The following CNTNAP4 variants were observed in gnomAD, a reference collection of about 807,000 sequenced individuals.
CNTNAP4 encodes contactin associated protein family member 4.
A neutral mutation model predicts 148.4 loss-of-function variants in CNTNAP4; 98 were observed. The ratio of observed to expected loss-of-function variants is 0.66; its 90% confidence interval spans 0.56 to 0.78. The LOEUF is 0.78. Ranked by LOEUF, CNTNAP4 falls within the 30% of genes least tolerant of loss-of-function variation. The pLI, the probability that CNTNAP4 is intolerant of heterozygous loss-of-function variation, is 0.00. For synonymous variants in CNTNAP4, 730 were observed against 565.1 expected, an observed-to-expected ratio of 1.29 and a Z score of -4.14; for missense variants, 1,935 against 1,565.6, an observed-to-expected ratio of 1.24 and a Z score of -3.98.
chr16:76,322,354 A>G (rs1962512861), intron 2 of CNTNAP4, among the ~76,000 whole-genome samples: 1 of 152,136 alleles, frequency 6.6e-6, no homozygotes, highest in African/African-American at 2.4e-5. Context: ...CTCATCCCTA[A>G]CAGTCACAGA....
intron 17 of CNTNAP4, among the ~76,000 whole-genome samples, chr16:76,527,156 C>T (rs1274363898): frequency 2.0e-5 from 3 of 152,144 alleles, no homozygotes; most frequent in African/African-American, 7.2e-5. Flanking sequence ...TAATCTTCTT[C>T]CTCTCCTTTA....
At chr16:76,352,362 C>T (rs1359876666) in intron 2 of CNTNAP4, among the ~76,000 whole-genome samples, 1 of 152,160 alleles carries the variant, frequency 6.6e-6, no homozygotes, top group Non-Finnish European at 1.5e-5. Flanking sequence ...CCATTGTAAA[C>T]TACAGGGAGG....
intron 17 of CNTNAP4, among the ~76,000 whole-genome samples, chr16:76,522,584 TTCTC>T (rs140375003): frequency 0.039 from 5,715 of 145,124 alleles, 370 homozygotes; most frequent in East Asian, 0.21. Flanking sequence ...CCTCCTTTCT[TTCTC>T]TCTCTCTCTT....
chr16:76,456,019 A>G (rs2080717318), intron 8 of CNTNAP4, among the ~76,000 whole-genome samples: 1 of 152,162 alleles, frequency 6.6e-6, no homozygotes, highest in Non-Finnish European at 1.5e-5. Flanking sequence ...CAGAAAGGGA[A>G]AGAGAGAGAG....
intron 17 of CNTNAP4, among the ~76,000 whole-genome samples, chr16:76,529,155 C>T (rs1286594405): frequency 6.6e-6 from 1 of 152,114 alleles, no homozygotes; most frequent in Non-Finnish European, 1.5e-5. Flanking sequence ...AATGGATTCG[C>T]CTTCTCTTTG....
chr16:76,431,363 G>A (rs2079597949), intron 4 of CNTNAP4, among the ~76,000 whole-genome samples: 1 of 152,082 alleles, frequency 6.6e-6, no homozygotes, highest in African/African-American at 2.4e-5. Context: ...AGAACCCCAA[G>A]CTAGAGGAAC....
intron 1 of CNTNAP4, among the ~76,000 whole-genome samples, chr16:76,285,114 C>T (rs1200311446): frequency 1.3e-5 from 2 of 151,800 alleles, no homozygotes; most frequent in Non-Finnish European, 2.9e-5. Flanking sequence ...TTCAGTTTGC[C>T]CATGGAACAT....
chr16:76,552,324 C>G (rs1255019735), intron 21 of CNTNAP4, among the ~76,000 whole-genome samples: 1 of 152,202 alleles, frequency 6.6e-6, no homozygotes, highest in South Asian at 2.1e-4. Context: ...TGGATGGGGA[C>G]ACAGAGCCAA....
At chr16:76,308,906 C>T (rs2144013847) in intron 1 of CNTNAP4, among the ~76,000 whole-genome samples, 1 of 151,964 alleles carries the variant, frequency 6.6e-6, no homozygotes, top group South Asian at 2.1e-4. Flanking sequence ...CTCAGGGCAG[C>T]CTCGAACTCC....
intron 3 of CNTNAP4, among the ~76,000 whole-genome samples, chr16:76,377,922 C>T (rs981124146): frequency 1.3e-5 from 2 of 152,122 alleles, no homozygotes; most frequent in Admixed American, 6.5e-5. Flanking sequence ...TGGCATTATG[C>T]AAAGCTTTGT....
At chr16:76,523,785 A>G (rs2144131112) in intron 17 of CNTNAP4, among the ~76,000 whole-genome samples, 1 of 152,218 alleles carries the variant, frequency 6.6e-6, no homozygotes, top group African/African-American at 2.4e-5. Flanking sequence ...TAAAAAAATT[A>G]GGCAGGCATG....
intron 3 of CNTNAP4, among the ~76,000 whole-genome samples, chr16:76,376,494 A>G (rs1329007216): frequency 6.8e-6 from 1 of 146,422 alleles, no homozygotes; most frequent in South Asian, 2.2e-4. Context: ...TTCAGTCTAT[A>G]TAAAGGACCT....
chr16:76,473,836 G>T (rs541736587), intron 10 of CNTNAP4, among the ~76,000 whole-genome samples: 2 of 37,122 alleles, frequency 5.4e-5, no homozygotes, highest in African/African-American at 2.3e-4. Flanking sequence ...GGCAGGTTTT[G>T]TAGGTTTTTT....
chr16:76,305,420 C>A (rs1409349606), intron 1 of CNTNAP4, among the ~76,000 whole-genome samples: 1 of 151,906 alleles, frequency 6.6e-6, no homozygotes, highest in Non-Finnish European at 1.5e-5. Flanking sequence ...AAACCAATTC[C>A]TTCCTTGTGC....
intron 3 of CNTNAP4, among the ~76,000 whole-genome samples, chr16:76,390,048 G>T (rs2144758006): frequency 6.6e-6 from 1 of 152,260 alleles, no homozygotes; most frequent in African/African-American, 2.4e-5. Flanking sequence ...AATTCTAGGA[G>T]CCAGTATACT....
chr16:76,385,310 A>G (rs143459966), intron 3 of CNTNAP4, among the ~76,000 whole-genome samples: 303 of 152,320 alleles, frequency 2.0e-3, no homozygotes, highest in African/African-American at 7.0e-3. Flanking sequence ...TTGCTATGCT[A>G]TGTCATCTCA....
At chr16:76,513,619 A>G (rs1238517817) in intron 15 of CNTNAP4, among the ~76,000 whole-genome samples, 2 of 152,174 alleles carry the variant, frequency 1.3e-5, no homozygotes, top group Non-Finnish European at 2.9e-5. Context: ...ACATGGAAAA[A>G]TATTCAACAT....
In CNTNAP4 at chr16:76,355,449, C is replaced by G. The variant is rs753898393; in HGVS notation, c.328C>G (p.Leu110Val). Residue 110 changes from leucine (L) to valine (V), a missense_variant, in exon 3 of 24, where the codon CTC (leucine) becomes GTC (valine). Transcript: ENST00000611870. ...TAGCTCCAACTGGGTGACCAGCTAC[C>G]TCCTGATGTTCAGTGATAGTGGCTG... ...YGSSNWVTSY[L>V]LMFSDSGWNW... 6.2e-7 allele frequency: 1 copy of G among 1,613,180 alleles called. No individual in the cohort carries two copies. The highest frequency in any genetic ancestry group is 1.1e-5 in the South Asian group (1 of 91,024).
At chr16:76,374,024 T>C (rs187484630) in intron 3 of CNTNAP4, among the ~76,000 whole-genome samples, 14 of 152,318 alleles carry the variant, frequency 9.2e-5, no homozygotes, top group Admixed American at 2.6e-4. Flanking sequence ...TTGTTTTGTG[T>C]CTAACAAATA....
Sources: gnomAD v4.1 joint callset for allele counts (sites outside exome capture counted in the v4.1 genomes callset) on GRCh38, gnomAD v4.1.1 for gene constraint, MANE v1.5 for transcripts, NCBI Gene and HGNC (gene_info 2026-07-23, HGNC 2026-07-21) for gene names.